Variants in CEMIP observed in about 807,000 individuals in gnomAD.
CEMIP encodes the protein cell migration-inducing and hyaluronan-binding protein.
In CEMIP, 105 loss-of-function variants were observed where a neutral mutation model predicts 156.9. The observed-to-expected ratio is 0.67, with a 90% CI of 0.57 to 0.79. The LOEUF (loss-of-function observed/expected upper bound fraction) is 0.79. Ranked by LOEUF, CEMIP falls within the 30% of genes least tolerant of loss-of-function variation. The pLI is 0.00. For missense variants in CEMIP, 1,457 were observed against 1,769.4 expected (o/e 0.82, Z 3.17); for synonymous variants, 676 against 668.4 (o/e 1.01, Z -0.17).
intron 1 of CEMIP, among the ~76,000 whole-genome samples, chr15:80,834,668 T>A (rs1324806837): frequency 1.3e-5 from 2 of 152,252 alleles, no homozygotes; most frequent in Non-Finnish European, 2.9e-5. Context: ...CTTAAAGACT[T>A]AGCTTTAGCA....
intron 23 of CEMIP, 45 bp downstream of exon 23, chr15:80,933,505 T>A (rs367905867): frequency 6.8e-7 from 1 of 1,462,974 alleles, no homozygotes; most frequent in Non-Finnish European, 9.6e-7. Context: ...TATTCACTCA[T>A]GCAACAAGCA....
intron 29 of CEMIP, 194 bp downstream of exon 29, chr15:80,947,259 C>A (rs2141760274): frequency 1.8e-6 from 1 of 550,298 alleles, no homozygotes; most frequent in East Asian, 2.9e-5. Context: ...ACCACCCCTG[C>A]ACTGCAGCAA....
intron 1 of CEMIP, among the ~76,000 whole-genome samples, chr15:80,843,339 G>T (rs1363618467): frequency 2.0e-5 from 3 of 152,186 alleles, no homozygotes; most frequent in Non-Finnish European, 2.9e-5. Flanking sequence ...ATTTATTGAA[G>T]ACCTACTATG....
chr15:80,795,101 C>T (rs1387462345), intron 1 of CEMIP, among the ~76,000 whole-genome samples: 6 of 151,158 alleles, frequency 4.0e-5, no homozygotes, highest in Non-Finnish European at 8.8e-5. Context: ...AGGAGCAAGG[C>T]AGGACTGAAG....
intron 14 of CEMIP, among the ~76,000 whole-genome samples, chr15:80,919,425 T>G (rs1596191412): frequency 6.6e-6 from 1 of 152,300 alleles, no homozygotes; most frequent in South Asian, 2.1e-4. Context: ...GGCCTCCTCT[T>G]GGATTCACCT....
At chr15:80,861,771 G>A (rs1423405483) in intron 1 of CEMIP, among the ~76,000 whole-genome samples, 1 of 152,244 alleles carries the variant, frequency 6.6e-6, no homozygotes, top group East Asian at 1.9e-4. Flanking sequence ...AAATACAACT[G>A]ATGAAGTGTT....
chr15:80,862,015 A>T (rs1415301358), intron 1 of CEMIP, among the ~76,000 whole-genome samples: 4 of 152,318 alleles, frequency 2.6e-5, no homozygotes, highest in Non-Finnish European at 4.4e-5. Flanking sequence ...GGAACTGGGA[A>T]TAAAAAGGCT....
intron 1 of CEMIP, among the ~76,000 whole-genome samples, chr15:80,810,130 C>T (rs1231496249): frequency 6.6e-6 from 1 of 152,044 alleles, no homozygotes; most frequent in Non-Finnish European, 1.5e-5. Flanking sequence ...ATTCTGCCTG[C>T]CACACAATTG....
intron 11 of CEMIP, among the ~76,000 whole-genome samples, 178 bp downstream of exon 11, chr15:80,895,300 C>T (rs779985960): frequency 6.6e-6 from 1 of 152,206 alleles, no homozygotes; most frequent in African/African-American, 2.4e-5. Context: ...GAACCCCACC[C>T]TGCCCATAAG....
chr15:80,796,084 T>C (rs1172419807), intron 1 of CEMIP, among the ~76,000 whole-genome samples: 1 of 152,230 alleles, frequency 6.6e-6, no homozygotes, highest in East Asian at 1.9e-4. Context: ...ACTTTAAAAA[T>C]AGCATTTAAT....
chr15:80,924,404 T>C (rs919141855), intron 17 of CEMIP, among the ~76,000 whole-genome samples: 24 of 152,186 alleles, frequency 1.6e-4, no homozygotes, highest in African/African-American at 5.6e-4. Flanking sequence ...AATCTGCTCC[T>C]CAAAGAGGTC....
intron 6 of CEMIP, among the ~76,000 whole-genome samples, chr15:80,882,928 G>A (rs183131277): frequency 5.9e-5 from 9 of 152,262 alleles, no homozygotes; most frequent in African/African-American, 1.7e-4. Context: ...GAGTGGGCGG[G>A]TGAGGTGGTC....
In CEMIP at chr15:80,942,124, C is replaced by T. The variant is rs930639020; in HGVS notation, c.3612+71C>T. 6.9e-5 allele frequency: 106 copies of T among 1,528,326 alleles called. No homozygotes were observed. In the Admixed American group the frequency reaches 1.3e-3, roughly 19 times the overall value. 94.7% of individuals were successfully genotyped at this position (1,528,326 alleles called of 1,614,324 possible). On this transcript the variant is annotated intron_variant, in intron 26 of 29. Transcript: ENST00000394685. The stretch of plus-strand genomic sequence containing the variant: ...GGCCTAGAGCCCTTTGCCGTCCAGT[C>T]GGGCCCAGACCCAATTAGGTCCCTC...
chr15:80,816,096 C>T (rs891035572), intron 1 of CEMIP, among the ~76,000 whole-genome samples: 1 of 152,260 alleles, frequency 6.6e-6, no homozygotes, highest in Admixed American at 6.5e-5. Context: ...TGTGAAAAGT[C>T]AGCGCTATTT....
At chr15:80,834,406 T>C (rs1019197999) in intron 1 of CEMIP, among the ~76,000 whole-genome samples, 1 of 152,250 alleles carries the variant, frequency 6.6e-6, no homozygotes, top group Non-Finnish European at 1.5e-5. Flanking sequence ...GGAAACTTTA[T>C]TTTTGTCTTT....
chr15:80,937,964 G>A lies in CEMIP; in HGVS notation c.3392G>A (p.Trp1131Ter). The A allele has an allele frequency of 6.2e-7, 1 of 1,613,956 alleles. No homozygotes were observed. Among genetic ancestry groups the A allele is most frequent in the Non-Finnish European group, 8.5e-7 (1 of 1,179,936 alleles). ...TACCCTGGCAGGAGCCACTACTACT[G>A]GGACGAGGACTCAGGGTGAGCAGGC... ...QSYPGRSHYY[W>*]DEDSGLLFLK... The change falls in exon 25 of 30, where the codon TGG becomes TAG. Residue 1131 changes from tryptophan to a stop codon, truncating the protein, a stop_gained. Transcript: ENST00000394685. LOFTEE classifies it high-confidence loss of function.
chr15:80,906,047 G>C lies in CEMIP; in HGVS notation c.1412-616G>C, dbSNP rs563277742. Among the ~76,000 whole-genome samples the C allele has an allele frequency of 1.3e-5, 2 of 152,370 alleles. No homozygotes were observed. Among genetic ancestry groups the C allele is most frequent in the South Asian group, 2.1e-4 (1 of 4,830 alleles). On this transcript the variant is annotated intron_variant, in intron 12 of 29. Transcript: ENST00000394685. This position sits in a 1 kb window ranked among gnomAD's most constrained non-coding sequence, Gnocchi z 4.3. ...ACTCTACATGAGGCTGAGGTAAGCA[G>C]AATAGGGATTTGCCTGCTTTAACAG... is the stretch of plus-strand genomic sequence containing the variant.
intron 1 of CEMIP, among the ~76,000 whole-genome samples, chr15:80,796,099 G>A (rs1243629447): frequency 6.6e-6 from 1 of 152,126 alleles, no homozygotes; most frequent in Non-Finnish European, 1.5e-5. Flanking sequence ...TTTAATAAGA[G>A]CTTACCAGGA....
chr15:80,786,438 C>T (rs1156233581), intron 1 of CEMIP, among the ~76,000 whole-genome samples: 1 of 152,096 alleles, frequency 6.6e-6, no homozygotes, highest in African/African-American at 2.4e-5. Flanking sequence ...GTTGCTCAGG[C>T]TGGTCTCAAA....
Sources: allele counts gnomAD v4.1 joint callset (sites outside exome capture counted in the v4.1 genomes callset), GRCh38; gene constraint gnomAD v4.1.1; non-coding constraint Gnocchi (gnomAD v3.1); transcripts MANE v1.5; gene names NCBI Gene and HGNC (gene_info 2026-07-23, HGNC 2026-07-21).